The following EIPR1 variants were observed in gnomAD, a reference collection of about 807,000 sequenced individuals.
EIPR1 encodes the protein EARP and GARP complex-interacting protein 1.
EIPR1 carries 25 observed loss-of-function variants against 48.1 expected under a neutral mutation model. That is an observed-to-expected ratio of 0.52 (90% CI 0.38 to 0.73). EIPR1 has a LOEUF of 0.73. Among genes scored for constraint, EIPR1 ranks in the 30% least tolerant of loss-of-function variants. The pLI, the probability that EIPR1 is intolerant of heterozygous loss-of-function variation, is 0.00. For synonymous variants in EIPR1, 204 were observed against 201.9 expected, an observed-to-expected ratio of 1.01 and a Z score of -0.09; for missense variants, 415 against 506.2, an observed-to-expected ratio of 0.82 and a Z score of 1.73.
intron 3 of EIPR1, among the ~76,000 whole-genome samples, chr2:3,317,854 C>T (rs1361112373): frequency 5.9e-5 from 9 of 152,196 alleles, no homozygotes. Context: ...CAGAGCATAG[C>T]CTCAGGAGGA....
chr2:3,328,054 G>A (rs1438245800), intron 3 of EIPR1, among the ~76,000 whole-genome samples: 1 of 152,110 alleles, frequency 6.6e-6, no homozygotes, highest in Non-Finnish European at 1.5e-5. Flanking sequence ...AGAGAGGGTG[G>A]GGAGTGGGCC....
In EIPR1 at chr2:3,196,863, C is replaced by A. The variant is rs1053210997; in HGVS notation, c.653+18G>T. ...GGGAGGAAAGGAAGTGGGGCCTGCGCCGGGTGGGCTCACTGACCTCATGCT... is the reference window on the plus strand; with the variant it reads ...GGGAGGAAAGGAAGTGGGGCCTGCGACGGGTGGGCTCACTGACCTCATGCT... On this transcript the variant is annotated intron_variant, in intron 6 of 8. Transcript: ENST00000382125. The A allele has an allele frequency of 5.0e-6, 8 of 1,611,992 alleles. No homozygotes were observed. The highest frequency in any genetic ancestry group is 6.8e-6 in the Non-Finnish European group (8 of 1,179,290).
rs111512008 is a variant in EIPR1 at position 3,277,117 on chromosome 2, T to TAG, written c.260-19664_260-19663dup. ...AAGTTATTCAAAAACCCTGCCCATT[T>TAG]AGAGGCAGGCAAAACAAAGTGCAAT... On this transcript the variant is annotated intron_variant, in intron 3 of 8. Transcript: ENST00000382125. Among the ~76,000 whole-genome samples, 246 of 152,280 alleles carry TAG rather than the reference T, an allele frequency of 1.6e-3. 1 individual carries two copies. Among genetic ancestry groups the TAG allele is most frequent in the Middle Eastern group, 6.8e-3 (2 of 294 alleles).
chr2:3,344,455 CA>C (rs1670342477), intron 2 of EIPR1, among the ~76,000 whole-genome samples: 1 of 152,142 alleles, frequency 6.6e-6, no homozygotes, highest in South Asian at 2.1e-4. Context: ...CGTGACCTGC[CA>C]ATCAAGAGAC....
chr2:3,286,527 G>A lies in EIPR1; in HGVS notation c.260-29072C>T, dbSNP rs1273198170. ...GGTGTCCGTGACAGGGAAAGGCTGA[G>A]GCATCAGGCTTCGGGCTGTGTCTAC... On this transcript the variant is annotated intron_variant, in intron 3 of 8. Transcript: ENST00000382125. This position sits in a 1 kb window ranked among gnomAD's most constrained non-coding sequence, Gnocchi z 4.2. Among the ~76,000 whole-genome samples, 1 of 152,196 alleles carries A rather than the reference G, an allele frequency of 6.6e-6. No homozygotes were observed. The highest frequency in any genetic ancestry group is 1.5e-5 in the Non-Finnish European group (1 of 68,040).
intron 3 of EIPR1, among the ~76,000 whole-genome samples, chr2:3,285,395 C>A (rs1006675368): frequency 5.9e-5 from 9 of 151,502 alleles, no homozygotes; most frequent in African/African-American, 2.2e-4. Context: ...GCCTGCCCAG[C>A]TGCAGCGAGC....
chr2:3,244,579 G>A (rs1277169928), intron 4 of EIPR1, among the ~76,000 whole-genome samples: 1 of 152,136 alleles, frequency 6.6e-6, no homozygotes, highest in African/African-American at 2.4e-5. Context: ...AACAAAATCA[G>A]TGCCCTTTAT....
rs553153543 is a variant in EIPR1, at chr2:3,355,080, AG to A, written c.43-448del. Among the ~76,000 whole-genome samples the A allele has an allele frequency of 2.0e-3, 305 of 152,352 alleles. 3 individuals are homozygous for A. The highest frequency in any genetic ancestry group is 7.0e-3 in the African/African-American group (292 of 41,576). On this transcript the variant is annotated intron_variant, in intron 1 of 8. Coordinates refer to ENST00000382125, the MANE Select transcript of EIPR1 (RefSeq NM_003310.5). Reference sequence around the variant, plus strand: ...AAAGAATAACCTGAATCTGTTTCACAGCCTCAGATAACTACCAAGGCAACAA... The same window carrying A: ...AAAGAATAACCTGAATCTGTTTCACACCTCAGATAACTACCAAGGCAACAA...
At chr2:3,304,861 G>GCCCAGTTCAGCCCTCCACTC (rs1668875870) in intron 3 of EIPR1, among the ~76,000 whole-genome samples, 63 of 25,874 alleles carry the variant, frequency 2.4e-3, no homozygotes, top group African/African-American at 3.1e-3. Flanking sequence ...GCCCTCCACT[G>GCCCAGTTCAGCCCTCCACTC]CCATCCAGTT....
intron 3 of EIPR1, among the ~76,000 whole-genome samples, chr2:3,277,636 A>G (rs1428370537): frequency 2.0e-5 from 3 of 152,156 alleles, no homozygotes; most frequent in African/African-American, 7.2e-5. Flanking sequence ...TAAGTGACCC[A>G]CCTGACTAGG....
At chr2:3,297,070 C>G (rs1668624951) in intron 3 of EIPR1, among the ~76,000 whole-genome samples, 1 of 152,224 alleles carries the variant, frequency 6.6e-6, no homozygotes, top group Non-Finnish European at 1.5e-5. Flanking sequence ...TTCCTTTTGT[C>G]CATGAGCTCC....
chr2:3,201,092 G>A (rs1665019058), intron 5 of EIPR1, among the ~76,000 whole-genome samples: 1 of 152,226 alleles, frequency 6.6e-6, no homozygotes, highest in South Asian at 2.1e-4. Context: ...CCGAGCCCCA[G>A]GCACGTGCTC....
At chr2:3,308,067 C>T (rs1359889387) in intron 3 of EIPR1, among the ~76,000 whole-genome samples, 2 of 152,228 alleles carry the variant, frequency 1.3e-5, no homozygotes. Flanking sequence ...CCAGCGCTGG[C>T]CGACGCTGTC....
At chr2:3,254,385 C>T (rs547448245) in intron 4 of EIPR1, among the ~76,000 whole-genome samples, 17 of 152,264 alleles carry the variant, frequency 1.1e-4, no homozygotes, top group Admixed American at 5.2e-4. Flanking sequence ...TAATACTTAC[C>T]GCAACTGTAG....
intron 3 of EIPR1, among the ~76,000 whole-genome samples, chr2:3,304,471 C>A (rs1257313516): frequency 2.0e-5 from 2 of 98,734 alleles, no homozygotes; most frequent in African/African-American, 4.0e-5. Context: ...GCCCTCCACT[C>A]CCGTCCAGTT....
intron 3 of EIPR1, among the ~76,000 whole-genome samples, chr2:3,291,687 C>T (rs1035707019): frequency 2.0e-5 from 3 of 152,060 alleles, no homozygotes; most frequent in African/African-American, 7.2e-5. Flanking sequence ...TCACCCAGGC[C>T]CTTTCCATCC....
At chr2:3,201,340 C>T (rs983602992) in intron 5 of EIPR1, among the ~76,000 whole-genome samples, 4 of 152,272 alleles carry the variant, frequency 2.6e-5, no homozygotes, top group South Asian at 2.1e-4. Context: ...TCAACCATGG[C>T]GGAGGGGGGA....
At chr2:3,275,378 A>C (rs1408523759) in intron 3 of EIPR1, among the ~76,000 whole-genome samples, 2 of 151,014 alleles carry the variant, frequency 1.3e-5, no homozygotes, top group African/African-American at 5.0e-5. Flanking sequence ...AAACACATAA[A>C]GCAAAAATTG....
At chr2:3,373,704 A>G (rs977260392) in intron 1 of EIPR1, among the ~76,000 whole-genome samples, 7 of 152,234 alleles carry the variant, frequency 4.6e-5, no homozygotes, top group African/African-American at 1.7e-4. Flanking sequence ...GAGAACTACA[A>G]ACCACTGCTC....
Sources: gnomAD v4.1 joint callset for allele counts (sites outside exome capture counted in the v4.1 genomes callset) on GRCh38, gnomAD v4.1.1 for gene constraint, Gnocchi (gnomAD v3.1) non-coding constraint, MANE v1.5 for transcripts, NCBI Gene and HGNC (gene_info 2026-07-23, HGNC 2026-07-21) for gene names.